SLC22A3: variants seen among roughly 807,000 people sequenced by gnomAD.
SLC22A3 encodes the protein solute carrier family 22 member 3, also known as EMT organic cation transporter 3.
A neutral mutation model predicts 59.1 loss-of-function variants in SLC22A3; 51 were observed. The observed-to-expected ratio is 0.86, with a 90% CI of 0.69 to 1.09. The LOEUF is 1.09. Among genes scored for constraint, SLC22A3 ranks in the 50% least tolerant of loss-of-function variants. SLC22A3 has a pLI of 0.00. For synonymous variants in SLC22A3, 325 were observed against 292.0 expected (o/e 1.11, Z -1.15); for missense variants, 711 against 726.3 (o/e 0.98, Z 0.24).
intron 9 of SLC22A3, among the ~76,000 whole-genome samples, chr6:160,444,996 C>T (rs1788687490): frequency 6.6e-6 from 1 of 152,176 alleles, no homozygotes; most frequent in South Asian, 2.1e-4. Flanking sequence ...TGCTACTGTC[C>T]AGCAAAGACA....
intron 5 of SLC22A3, chr6:160,425,760 G>T: frequency 1.1e-6 from 1 of 941,338 alleles, no homozygotes; most frequent in South Asian, 4.9e-5. Context: ...TATTAATTAT[G>T]GAAACTAGTC....
rs376506750 is a variant in SLC22A3 at position 160,385,409 on chromosome 6, G to C, written c.430-12570G>C. On this transcript the variant is annotated intron_variant, in intron 1 of 10. Transcript: ENST00000275300. ...TATTTTTTCTGGTTGGTGGGGCTCAGGGGGAGATATCCAAGGGTTCAGGAG... is the reference window on the plus strand; with the variant it reads ...TATTTTTTCTGGTTGGTGGGGCTCACGGGGAGATATCCAAGGGTTCAGGAG... 1.8e-4 allele frequency among the ~76,000 whole-genome samples: 27 copies of C among 152,338 alleles called. No homozygotes were observed. The South Asian group carries it at 5.6e-3, about 32-fold the overall frequency.
At chr6:160,359,572 A>G (rs1012134048) in intron 1 of SLC22A3, among the ~76,000 whole-genome samples, 1 of 152,216 alleles carries the variant, frequency 6.6e-6, no homozygotes, top group Non-Finnish European at 1.5e-5. Context: ...ACATCTTAGC[A>G]TCTGGATTTT....
At chr6:160,411,669 G>A (rs556607905) in intron 5 of SLC22A3, among the ~76,000 whole-genome samples, 28 of 152,240 alleles carry the variant, frequency 1.8e-4, no homozygotes, top group African/African-American at 6.7e-4. Context: ...TTGAGCCCAG[G>A]ACTTTGAGAC....
chr6:160,391,843 A>G (rs1302470260), intron 1 of SLC22A3, among the ~76,000 whole-genome samples: 2 of 152,210 alleles, frequency 1.3e-5, no homozygotes, highest in East Asian at 3.8e-4. Flanking sequence ...TTATTATTCA[A>G]ACAGATTTAA....
At chr6:160,410,153 A>G (rs998601003) in intron 4 of SLC22A3, among the ~76,000 whole-genome samples, 3 of 152,198 alleles carry the variant, frequency 2.0e-5, no homozygotes, top group African/African-American at 7.2e-5. Context: ...AGTAGCTGGG[A>G]TTACAGGCAT....
intron 10 of SLC22A3, among the ~76,000 whole-genome samples, chr6:160,449,163 C>G (rs1035215318): frequency 1.1e-4 from 16 of 152,128 alleles, no homozygotes; most frequent in African/African-American, 3.9e-4. Context: ...GAAATCAAGA[C>G]TTTTCTACTG....
At chr6:160,414,443 T>C (rs1787386724) in intron 5 of SLC22A3, among the ~76,000 whole-genome samples, 1 of 152,214 alleles carries the variant, frequency 6.6e-6, no homozygotes, top group African/African-American at 2.4e-5. Context: ...CCAAAGTGAT[T>C]AATGAGTTGA....
chr6:160,361,508 G>A (rs1312025119), intron 1 of SLC22A3, among the ~76,000 whole-genome samples: 1 of 152,156 alleles, frequency 6.6e-6, no homozygotes, highest in African/African-American at 2.4e-5. Context: ...ATTGTACAAT[G>A]CATATTGAAG....
chr6:160,389,815 C>T (rs1271827132), intron 1 of SLC22A3, among the ~76,000 whole-genome samples: 1 of 152,186 alleles, frequency 6.6e-6, no homozygotes, highest in East Asian at 1.9e-4. Context: ...ATCCAGGCAG[C>T]AGGACCTGCT....
rs757640188 is a variant in SLC22A3, at chr6:160,348,865, C to T, written c.429+17C>T. The T allele has an allele frequency of 5.1e-6, 8 of 1,563,092 alleles. No individual in the cohort carries two copies. The African/African-American group carries it at 9.4e-5, about 18-fold the overall frequency. On this transcript the variant is annotated intron_variant, in intron 1 of 10. Coordinates refer to ENST00000275300, the MANE Select transcript of SLC22A3 (RefSeq NM_021977.4). ...GTCAGCGAGGTAAGGGCGCCCCGGC[C>T]CTTTGGAAGCCGGCGGGAGAGGACG...
At chr6:160,378,394 T>C (rs1785673340) in intron 1 of SLC22A3, among the ~76,000 whole-genome samples, 2 of 152,194 alleles carry the variant, frequency 1.3e-5, no homozygotes, top group South Asian at 4.1e-4. Context: ...TATTAGAAAA[T>C]GTAGGCTTTG....
chr6:160,431,289 G>A (rs1162163556), intron 5 of SLC22A3, among the ~76,000 whole-genome samples: 1 of 152,190 alleles, frequency 6.6e-6, no homozygotes, highest in Non-Finnish European at 1.5e-5. Context: ...AATAGTGGCG[G>A]CCGCCACGGC....
At chr6:160,380,385 T>C (rs75227208) in intron 1 of SLC22A3, among the ~76,000 whole-genome samples, 2,990 of 152,208 alleles carry the variant, frequency 0.02, 92 homozygotes, top group Middle Eastern at 0.11. Flanking sequence ...TAAAGGCATG[T>C]AATCTCTTTT....
chr6:160,399,418 T>C (rs975473594), intron 2 of SLC22A3, among the ~76,000 whole-genome samples: 1 of 152,232 alleles, frequency 6.6e-6, no homozygotes, highest in Admixed American at 6.5e-5. Context: ...CTGTGTTTTT[T>C]TTCTCTTACT....
chr6:160,405,488 C>A (rs958534296), intron 2 of SLC22A3, among the ~76,000 whole-genome samples: 2 of 152,094 alleles, frequency 1.3e-5, no homozygotes, highest in Non-Finnish European at 2.9e-5. Flanking sequence ...CTTTAGATGA[C>A]AAAATTCTTA....
chr6:160,444,723 G>A (rs563256214), intron 9 of SLC22A3, among the ~76,000 whole-genome samples: 30 of 152,280 alleles, frequency 2.0e-4, no homozygotes, highest in South Asian at 1.0e-3. Flanking sequence ...TCACGCAACC[G>A]TTTCTCTATC....
At chr6:160,407,863 A>AC (rs1787080418) in intron 3 of SLC22A3, among the ~76,000 whole-genome samples, 1 of 152,156 alleles carries the variant, frequency 6.6e-6, no homozygotes, top group Admixed American at 6.5e-5. Flanking sequence ...GACCAGGAAA[A>AC]TGTGAATTCT....
intron 1 of SLC22A3, among the ~76,000 whole-genome samples, chr6:160,353,189 G>A (rs1020143159): frequency 1.5e-4 from 23 of 152,192 alleles, no homozygotes; most frequent in African/African-American, 5.6e-4. Context: ...CTTGGTCTAG[G>A]CAGCAGAATG....
Sources: allele counts gnomAD v4.1 joint callset (sites outside exome capture counted in the v4.1 genomes callset), GRCh38; gene constraint gnomAD v4.1.1; transcripts MANE v1.5; gene names NCBI Gene and HGNC (gene_info 2026-07-23, HGNC 2026-07-21).